RYR3: variants seen among roughly 807,000 people sequenced by gnomAD.
The protein encoded by RYR3 is ryanodine receptor 3.
Under a neutral mutation model 584.3 loss-of-function variants are expected in RYR3, and 207 were observed. The ratio of observed to expected loss-of-function variants is 0.35; its 90% CI spans 0.32 to 0.40. RYR3 has a LOEUF of 0.40. Ranked by LOEUF, RYR3 falls within the 10% of genes least tolerant of loss-of-function variation. The pLI, the probability that RYR3 is intolerant of heterozygous loss-of-function variation, is 1.00. For missense variants in RYR3, 5,616 were observed against 6,089.2 expected, an observed-to-expected ratio of 0.92 and a Z score of 2.59; for synonymous variants, 2,416 against 2,248.5, an observed-to-expected ratio of 1.07 and a Z score of -2.11.
chr15:33,854,747 T>C lies in RYR3; in HGVS notation c.13861-19T>C, dbSNP rs1194820625. 1.9e-6 allele frequency: 3 copies of C among 1,584,912 alleles called. No individual in the cohort carries two copies. Among genetic ancestry groups the C allele is most frequent in the Non-Finnish European group, 2.6e-6 (3 of 1,170,594 alleles). On this transcript the variant is annotated intron_variant, in intron 97 of 103. Transcript: ENST00000634891. ...TATGAGGCAAACATGCTTAAAAGTC[T>C]GCTTTCTTCCATTCCCAGTCCTTTC...
At chr15:33,470,580 G>A (rs926121319) in intron 1 of RYR3, among the ~76,000 whole-genome samples, 4 of 152,178 alleles carry the variant, frequency 2.6e-5, no homozygotes, top group African/African-American at 7.2e-5. Context: ...TAAGGAATGC[G>A]AAAGCAAGAG....
At chr15:33,462,209 A>G (rs913272992) in intron 1 of RYR3, among the ~76,000 whole-genome samples, 4 of 152,200 alleles carry the variant, frequency 2.6e-5, no homozygotes, top group Admixed American at 1.3e-4. Context: ...TGAAAAAGGT[A>G]GTGTTCCCTG....
At chr15:33,684,367 C>T (rs1397054998) in intron 38 of RYR3, among the ~76,000 whole-genome samples, 2 of 152,146 alleles carry the variant, frequency 1.3e-5, no homozygotes, top group African/African-American at 4.8e-5. Flanking sequence ...TGGAGTGAAC[C>T]TCTAGCAAAC....
intron 32 of RYR3, among the ~76,000 whole-genome samples, chr15:33,654,175 G>A (rs2062680616): frequency 6.6e-6 from 1 of 152,102 alleles, no homozygotes; most frequent in South Asian, 2.1e-4. Context: ...TCAGGAGAAT[G>A]TTCATTAAGG....
intron 3 of RYR3, among the ~76,000 whole-genome samples, chr15:33,515,754 GC>G (rs755212715): frequency 5.9e-5 from 9 of 152,134 alleles, no homozygotes; most frequent in Non-Finnish European, 8.8e-5. Context: ...TTTTTGGCTT[GC>G]AGGAATACAA....
intron 21 of RYR3, among the ~76,000 whole-genome samples, chr15:33,628,938 T>C (rs572734055): frequency 6.6e-6 from 1 of 152,194 alleles, no homozygotes; most frequent in Non-Finnish European, 1.5e-5. Context: ...CAGAGGAGGA[T>C]AGGGAATCTT....
chr15:33,631,303 T>G lies in RYR3; in HGVS notation c.2867+10T>G, dbSNP rs1476254937. The G allele has an allele frequency of 1.3e-6, 2 of 1,544,302 alleles. No individual in the cohort carries two copies. Among genetic ancestry groups the G allele is most frequent in the Admixed American group, 1.9e-5 (1 of 52,290 alleles). On this transcript the variant is annotated intron_variant, in intron 23 of 103. Transcript: ENST00000634891. ...TCAAACTGCCCAAAAAGTAGGTGAT[T>G]TTTTTTTTAATGGTTCAAGACTTTA...
Position 33,825,670 on chromosome 15 carries a change from G to A in RYR3, c.11140G>A (p.Gly3714Arg). ...AEGLGMVTEEGTLIVRERGEK... is the reference protein window; with the variant it reads ...AEGLGMVTEERTLIVRERGEK... The stretch of plus-strand genomic sequence containing the variant: ...AGGCCTGGGGATGGTGACTGAAGAA[G>A]GAACACGTAAGTAACTAATGAATGT... The change falls in exon 82 of 104, where the codon GGA (glycine) becomes AGA (arginine). Residue 3714 changes from glycine (G) to arginine (R), a missense_variant. Physicochemically the swap from Gly to Arg is moderately radical, Grantham distance 125. This residue lies in a region of RYR3 where 954 missense variants were observed against 1,132.2 expected (regional missense o/e 0.84). Transcript: ENST00000634891. 2 of 1,591,568 alleles carry A rather than the reference G, an allele frequency of 1.3e-6. No individual in the cohort carries two copies. Among genetic ancestry groups the A allele is most frequent in the Middle Eastern group, 3.3e-4 (2 of 5,990 alleles).
rs1227629313 is a variant in RYR3, at chr15:33,780,340, TAGTA to T, written c.9268+4_9268+7del. 2 of 1,613,658 alleles carry T rather than the reference TAGTA, an allele frequency of 1.2e-6. No homozygotes were observed. Among genetic ancestry groups the T allele is most frequent in the Admixed American group, 3.3e-5 (2 of 59,990 alleles). Reference sequence around the variant, plus strand: ...ACACCAAAACCCCCAGGGAGAGGTCTAGTAAGTATCTCCCCTCAAAGGTCATCAA... The same window carrying T: ...ACACCAAAACCCCCAGGGAGAGGTCTAGTATCTCCCCTCAAAGGTCATCAA... On this transcript the variant is annotated splice_donor_variant and splice_donor_region_variant and coding_sequence_variant and intron_variant, in exon 65 of 104. Transcript: ENST00000634891. LOFTEE classifies it high-confidence loss of function.
intron 10 of RYR3, among the ~76,000 whole-genome samples, chr15:33,558,488 A>G (rs1302144276): frequency 1.3e-5 from 2 of 151,932 alleles, no homozygotes; most frequent in African/African-American, 2.4e-5. Context: ...TTCTTAATCC[A>G]GTCTATCATT....
intron 97 of RYR3, 63 bp from the exon 98 acceptor site, chr15:33,854,703 T>C: frequency 6.5e-7 from 1 of 1,535,108 alleles, no homozygotes; most frequent in Non-Finnish European, 8.7e-7. Context: ...TAAGAAAAAA[T>C]GTTTTATAAT....
At chr15:33,450,540 T>G (rs1318431008) in intron 1 of RYR3, among the ~76,000 whole-genome samples, 1 of 152,130 alleles carries the variant, frequency 6.6e-6, no homozygotes, top group South Asian at 2.1e-4. Context: ...AGTGACGTTA[T>G]CTATTCCTAG....
Position 33,566,744 on chromosome 15 carries a change from T to A in RYR3, c.1213T>A (p.Ser405Thr). The part of the protein sequence containing the change: ...LTLQRCQREE[S>T]QAARIIRNTT... ...ACTGCAGAGATGCCAGCGTGAGGAG[T>A]CCCAGGCTGCTCGGATCATCCGGAA... The change falls in exon 12 of 104, where the codon TCC (serine) becomes ACC (threonine). Residue 405 changes from serine (S) to threonine (T), a missense_variant. By Grantham distance (58) the Ser-to-Thr change is moderately conservative. Transcript: ENST00000634891. 4 of 1,613,472 alleles carry A rather than the reference T, an allele frequency of 2.5e-6. No homozygotes were observed. Among genetic ancestry groups the A allele is most frequent in the Non-Finnish European group, 3.4e-6 (4 of 1,179,618 alleles).
At chr15:33,445,274 A>G (rs1271227424) in intron 1 of RYR3, among the ~76,000 whole-genome samples, 1 of 152,102 alleles carries the variant, frequency 6.6e-6, no homozygotes, top group Non-Finnish European at 1.5e-5. Context: ...TGGCGGTGAT[A>G]GGGAACGCTG....
intron 43 of RYR3, among the ~76,000 whole-genome samples, chr15:33,720,753 AG>A (rs2067845213): frequency 6.6e-6 from 1 of 152,158 alleles, no homozygotes; most frequent in Non-Finnish European, 1.5e-5. Flanking sequence ...ATGTGCCTGT[AG>A]TCTCAGCTAC....
At chr15:33,797,760 G>A (rs773972283) in intron 67 of RYR3, among the ~76,000 whole-genome samples, 2 of 152,016 alleles carry the variant, frequency 1.3e-5, no homozygotes, top group African/African-American at 4.8e-5. Flanking sequence ...GGCTAGATAG[G>A]ATATGATCCT....
intron 67 of RYR3, among the ~76,000 whole-genome samples, chr15:33,791,149 C>G (rs1263673106): frequency 6.6e-6 from 1 of 152,154 alleles, no homozygotes; most frequent in African/African-American, 2.4e-5. Flanking sequence ...AAATGGGACG[C>G]TAGCTAGAAG....
chr15:33,742,491 C>T, intron 52 of RYR3, 47 bp downstream of exon 52: 2 of 1,282,060 alleles, frequency 1.6e-6, no homozygotes, highest in Non-Finnish European at 2.3e-6. Flanking sequence ...GAAAAACAGC[C>T]CAAGAACATT....
rs373791629 is a variant in RYR3, at chr15:33,410,832, TCA to T, written c.52-62584_52-62583del. 7.3e-3 allele frequency among the ~76,000 whole-genome samples: 1,110 copies of T among 152,302 alleles called. 7 individuals carry two copies. The highest frequency in any genetic ancestry group is 0.012 in the Non-Finnish European group (844 of 68,010). The stretch of plus-strand genomic sequence containing the variant: ...TATAAAGGAAAGAGGTTCAATGGAC[TCA>T]CAGTTCCACATGGCTGGGGAGGCCT... On this transcript the variant is annotated intron_variant, in intron 1 of 103. Coordinates refer to ENST00000634891, the MANE Select transcript of RYR3 (RefSeq NM_001036.6).
Sources: gnomAD v4.1 joint callset for allele counts (sites outside exome capture counted in the v4.1 genomes callset) on GRCh38, gnomAD v4.1.1 for gene constraint, gnomAD v4.1.1 regional missense constraint, MANE v1.5 for transcripts, NCBI Gene and HGNC (gene_info 2026-07-23, HGNC 2026-07-21) for gene names.